The following FOXP1 variants were observed in gnomAD, a reference collection of about 807,000 sequenced individuals.
FOXP1 encodes the protein forkhead box P1.
In FOXP1, 15 loss-of-function variants were observed where a neutral mutation model predicts 98.2. The ratio of observed to expected loss-of-function variants is 0.15; its 90% CI spans 0.10 to 0.24. The LOEUF (loss-of-function observed/expected upper bound fraction) is 0.24. Among genes scored for constraint, FOXP1 ranks in the 10% least tolerant of loss-of-function variants. The pLI is 1.00. For synonymous variants in FOXP1, 371 were observed against 314.5 expected (o/e 1.18, Z -1.90); for missense variants, 633 against 848.5 (o/e 0.75, Z 3.15).
chr3:71,574,043 T>A (rs2047543191), intron 2 of FOXP1: 1 of 152,254 alleles, frequency 6.6e-6, no homozygotes, highest in Non-Finnish European at 1.5e-5. Context: ...CCATGTTTCA[T>A]CTTTTATAGA....
chr3:70,975,377 T>TGTGTCTTAATGGAAATGAAAGGATA (rs1158187349), intron 17 of FOXP1, among the ~76,000 whole-genome samples: 60 of 152,246 alleles, frequency 3.9e-4, no homozygotes, highest in Non-Finnish European at 7.6e-4. Context: ...TCAGTGCCCA[T>TGTGTCTTAATGGAAATGAAAGGATA]GTGTCTTAAT....
intron 11 of FOXP1, among the ~76,000 whole-genome samples, chr3:71,021,307 T>G (rs1473127771): frequency 1.3e-5 from 2 of 152,232 alleles, no homozygotes; most frequent in African/African-American, 4.8e-5. Flanking sequence ...TGTTCTTTTA[T>G]GCCTGGCTTC....
chr3:71,067,128 G>A (rs1022824211), intron 7 of FOXP1, among the ~76,000 whole-genome samples: 4 of 152,106 alleles, frequency 2.6e-5, no homozygotes, highest in Admixed American at 6.5e-5. Context: ...AAAAGAGAGA[G>A]GGAAATGGCT....
In FOXP1 at chr3:71,176,421, C is replaced by G. The variant is rs6767405; in HGVS notation, c.180+21781G>C. Among the ~76,000 whole-genome samples, 1,301 of 152,274 alleles carry G rather than the reference C, an allele frequency of 8.5e-3. 17 individuals are homozygous for G. The highest frequency in any genetic ancestry group is 0.03 in the African/African-American group (1,230 of 41,540). On this transcript the variant is annotated intron_variant, in intron 6 of 20. Transcript: ENST00000649528. ...GCGTTCTTAGAAGCAATACTTCCAT[C>G]CCCCTGACCAGTCAAAGGAGACAGC...
chr3:71,013,563 G>A (rs2043981911), intron 12 of FOXP1, among the ~76,000 whole-genome samples: 1 of 152,134 alleles, frequency 6.6e-6, no homozygotes, highest in Non-Finnish European at 1.5e-5. Context: ...TCGTGAAAAT[G>A]GCCACATTGC....
intron 7 of FOXP1, among the ~76,000 whole-genome samples, chr3:71,099,323 C>G (rs1186862826): frequency 6.6e-6 from 1 of 152,112 alleles, no homozygotes; most frequent in African/African-American, 2.4e-5. Flanking sequence ...CCAGCCTGGC[C>G]AACATGGTGA....
rs59404230 is a variant in FOXP1 at position 71,232,877 on chromosome 3, C to CAAAAAAAAAAAAAAAAAAA, written c.-11-34504_-11-34486dup. ...CGTGCCACAGAGCAAAACTCTGTCTCAAAAAAAAAAAAAAAAAAAGCAAGA... is the reference window on the plus strand; with the variant it reads ...CGTGCCACAGAGCAAAACTCTGTCTCAAAAAAAAAAAAAAAAAAAAAAAAAAAAAAAAAAAAAAGCAAGA... On this transcript the variant is annotated intron_variant, in intron 5 of 20. Transcript: ENST00000649528. Among the ~76,000 whole-genome samples the CAAAAAAAAAAAAAAAAAAA allele has an allele frequency of 6.0e-3, 189 of 31,356 alleles. 21 individuals carry two copies. The highest frequency in any genetic ancestry group is 8.6e-3 in the Non-Finnish European group (146 of 16,922). The allele number at this position is 31,356 out of a possible 152,430, so 20.6% of individuals were successfully genotyped here.
At chr3:70,977,514 T>A in intron 16 of FOXP1, 129 bp downstream of exon 16, 7 of 759,780 alleles carry the variant, frequency 9.2e-6, no homozygotes, top group African/African-American at 1.7e-5. Context: ...ATTGCAGTTT[T>A]AAAAAACCTT....
chr3:71,460,226 A>G (rs1462557752), intron 3 of FOXP1, among the ~76,000 whole-genome samples: 1 of 144,016 alleles, frequency 6.9e-6, no homozygotes, highest in East Asian at 2.0e-4. Context: ...AGAGGAGTAA[A>G]GGCTTTGTTT....
chr3:71,314,316 G>T (rs929315882), intron 4 of FOXP1, among the ~76,000 whole-genome samples: 6 of 152,030 alleles, frequency 3.9e-5, no homozygotes, highest in Admixed American at 6.6e-5. Flanking sequence ...GGATCTCAAG[G>T]TCAGGAGATT....
intron 3 of FOXP1, among the ~76,000 whole-genome samples, chr3:71,430,290 C>T (rs563875119): frequency 1.3e-5 from 2 of 152,196 alleles, no homozygotes; most frequent in Non-Finnish European, 2.9e-5. Flanking sequence ...CACAGCCATG[C>T]ACACACAGTA....
At chr3:71,034,875 T>C (rs780559320) in intron 11 of FOXP1, among the ~76,000 whole-genome samples, 9 of 152,270 alleles carry the variant, frequency 5.9e-5, no homozygotes, top group Non-Finnish European at 1.0e-4. Context: ...GGCAAGTCAC[T>C]AGTTTTGAGG....
intron 2 of FOXP1, among the ~76,000 whole-genome samples, chr3:71,520,853 C>G (rs2042929349): frequency 6.6e-6 from 1 of 152,162 alleles, no homozygotes; most frequent in Non-Finnish European, 1.5e-5. Flanking sequence ...CAGTTGCCAT[C>G]TGAGAACAAA....
intron 5 of FOXP1, among the ~76,000 whole-genome samples, chr3:71,293,290 G>A (rs1322275997): frequency 6.6e-6 from 1 of 152,134 alleles, no homozygotes; most frequent in Non-Finnish European, 1.5e-5. Flanking sequence ...AGATAGGACA[G>A]CAAAAACATC....
intron 11 of FOXP1, among the ~76,000 whole-genome samples, chr3:71,034,698 T>C (rs1457440845): frequency 1.3e-5 from 2 of 152,202 alleles, no homozygotes; most frequent in African/African-American, 2.4e-5. Context: ...CCTTTCATCC[T>C]TGACAAGAGC....
At chr3:71,532,886 G>T (rs747108785) in intron 2 of FOXP1, among the ~76,000 whole-genome samples, 1 of 152,144 alleles carries the variant, frequency 6.6e-6, no homozygotes, top group Non-Finnish European at 1.5e-5. Context: ...TTCAGGAGGC[G>T]AGGCGGGGGA....
At chr3:71,285,643 T>C (rs2072037233) in intron 5 of FOXP1, among the ~76,000 whole-genome samples, 1 of 152,238 alleles carries the variant, frequency 6.6e-6, no homozygotes, top group Non-Finnish European at 1.5e-5. Context: ...GTCATGTACA[T>C]AAAAATAATA....
intron 6 of FOXP1, among the ~76,000 whole-genome samples, chr3:71,192,386 A>G (rs1051124554): frequency 2.0e-5 from 3 of 152,228 alleles, no homozygotes; most frequent in African/African-American, 7.2e-5. Context: ...ATGGTGCCCC[A>G]GAGGCCTATG....
intron 3 of FOXP1, among the ~76,000 whole-genome samples, chr3:71,391,669 G>A (rs944838370): frequency 1.3e-5 from 2 of 152,174 alleles, no homozygotes; most frequent in African/African-American, 4.8e-5. Context: ...ATGAATGAAC[G>A]GATTGCCCAC....
Sources: allele counts gnomAD v4.1 joint callset (sites outside exome capture counted in the v4.1 genomes callset), GRCh38; gene constraint gnomAD v4.1.1; transcripts MANE v1.5; gene names NCBI Gene and HGNC (gene_info 2026-07-23, HGNC 2026-07-21).